The following SAMD4A variants were observed in gnomAD, a reference collection of about 807,000 sequenced individuals.
SAMD4A encodes sterile alpha motif domain containing 4A.
SAMD4A carries 33 observed loss-of-function variants against 81.3 expected under a neutral mutation model. The ratio of observed to expected loss-of-function variants is 0.41; its 90% confidence interval spans 0.31 to 0.54. SAMD4A has a LOEUF of 0.54. Ranked by LOEUF, SAMD4A falls within the 20% of genes least tolerant of loss-of-function variation. The pLI is 0.37. For missense variants in SAMD4A, 854 were observed against 951.1 expected, an observed-to-expected ratio of 0.90 and a Z score of 1.34; for synonymous variants, 389 against 382.1, an observed-to-expected ratio of 1.02 and a Z score of -0.21.
intron 2 of SAMD4A, among the ~76,000 whole-genome samples, chr14:54,644,342 T>G (rs571288544): frequency 1.3e-5 from 2 of 152,338 alleles, no homozygotes; most frequent in Admixed American, 1.3e-4. Context: ...AGAAATTAGG[T>G]TCTAAATTGC....
rs372501241 is a variant in SAMD4A, at chr14:54,635,305, A to G, written c.197-66757A>G. 2.9e-3 allele frequency among the ~76,000 whole-genome samples: 432 copies of G among 148,620 alleles called. 5 individuals carry two copies. The highest frequency in any genetic ancestry group is 0.01 in the African/African-American group (402 of 38,288). ...CTGGGCATGGTGGCAGGCACCTGTA[A>G]TCTCAGCTACTCAGGAGGCTGAGGC... is the stretch of plus-strand genomic sequence containing the variant. On this transcript the variant is annotated intron_variant, in intron 2 of 12. Coordinates refer to ENST00000554335, the MANE Select transcript of SAMD4A (RefSeq NM_015589.6).
intron 12 of SAMD4A, among the ~76,000 whole-genome samples, chr14:54,786,043 G>C (rs2039131970): frequency 6.6e-6 from 1 of 152,236 alleles, no homozygotes. Flanking sequence ...ACCTCATAGA[G>C]GAGACTGGGT....
chr14:54,594,229 A>T (rs1047306833), intron 2 of SAMD4A, among the ~76,000 whole-genome samples: 1 of 152,120 alleles, frequency 6.6e-6, no homozygotes, highest in Non-Finnish European at 1.5e-5. Flanking sequence ...TCTGCCTATT[A>T]AGTGTATATT....
intron 2 of SAMD4A, among the ~76,000 whole-genome samples, chr14:54,660,438 T>A (rs2035615198): frequency 6.6e-6 from 1 of 152,140 alleles, no homozygotes. Context: ...GTCACTTCAG[T>A]GTGCAAAGAG....
chr14:54,734,244 C>T (rs192216268), intron 3 of SAMD4A, among the ~76,000 whole-genome samples: 27 of 152,318 alleles, frequency 1.8e-4, no homozygotes, highest in Middle Eastern at 3.4e-3. Flanking sequence ...TTACCTAGCA[C>T]GACTTTTGAT....
Position 54,789,046 on chromosome 14 carries a change from A to C in SAMD4A, c.*102A>C. The C allele has an allele frequency of 7.3e-7, 1 of 1,367,116 alleles. No individual in the cohort carries two copies. Among genetic ancestry groups the C allele is most frequent in the South Asian group, 1.2e-5 (1 of 85,878 alleles). The allele number at this position is 1,367,116 out of a possible 1,614,324, so 84.7% of individuals were successfully genotyped here. A position where few individuals can be genotyped will look rare whatever the true frequency, so the allele number is the denominator to read the frequency against. On this transcript the variant is annotated 3_prime_UTR_variant, in exon 13 of 13. Transcript: ENST00000554335. The stretch of plus-strand genomic sequence containing the variant: ...CACAGAATCCTCCAAGATACTTTGC[A>C]GCCTTTTTTCCCCCTGGTCCCTCTC...
chr14:54,730,201 G>A (rs1238583642), intron 3 of SAMD4A, among the ~76,000 whole-genome samples: 1 of 152,162 alleles, frequency 6.6e-6, no homozygotes, highest in Non-Finnish European at 1.5e-5. Context: ...AAGGACTCAC[G>A]GTACTAGGAA....
intron 2 of SAMD4A, chr14:54,685,661 C>T (rs2036248807): frequency 2.2e-6 from 1 of 455,032 alleles, no homozygotes; most frequent in Admixed American, 2.4e-5. Context: ...CTGATTGTGG[C>T]TTTAGTAACC....
chr14:54,745,103 T>C (rs1033052669), intron 4 of SAMD4A, among the ~76,000 whole-genome samples: 75 of 152,178 alleles, frequency 4.9e-4, no homozygotes, highest in African/African-American at 1.8e-3. Context: ...ATCAGGATCT[T>C]CCTTAAGTTC....
At chr14:54,781,580 A>G (rs778003844) in intron 11 of SAMD4A, among the ~76,000 whole-genome samples, 8 of 152,376 alleles carry the variant, frequency 5.3e-5, no homozygotes, top group Middle Eastern at 3.4e-3. Context: ...CCTTTGGGAA[A>G]GAGCAGAGGA....
intron 12 of SAMD4A, among the ~76,000 whole-genome samples, chr14:54,785,261 C>T (rs553334508): frequency 6.6e-5 from 10 of 152,336 alleles, no homozygotes; most frequent in East Asian, 1.9e-4. Flanking sequence ...CTGTGCAGGG[C>T]TGTGGCCCCA....
At chr14:54,623,453 C>T (rs2034665437) in intron 2 of SAMD4A, among the ~76,000 whole-genome samples, 1 of 121,054 alleles carries the variant, frequency 8.3e-6, no homozygotes, top group Non-Finnish European at 1.6e-5. Context: ...CTGTGATGAC[C>T]CCTCTGTTAA....
upstream of SAMD4A, among the ~76,000 whole-genome samples, chr14:54,566,832 T>TGCGGC (rs941327415): frequency 1.1e-4 from 16 of 151,958 alleles, no homozygotes; most frequent in African/African-American, 3.4e-4. Flanking sequence ...GGTGGGCTGG[T>TGCGGC]GCGGCGCGGC....
chr14:54,566,458 G>A (rs2032936744), upstream of SAMD4A, among the ~76,000 whole-genome samples: 4 of 151,852 alleles, frequency 2.6e-5, no homozygotes, highest in South Asian at 8.3e-4. Flanking sequence ...AGGCTGAGTC[G>A]CTGGGTTCTC....
intron 2 of SAMD4A, among the ~76,000 whole-genome samples, chr14:54,670,898 G>C (rs1566576296): frequency 6.6e-6 from 1 of 152,308 alleles, no homozygotes; most frequent in East Asian, 1.9e-4. Flanking sequence ...GCCACATAGA[G>C]ATGAACACAA....
chr14:54,630,512 C>A (rs1420877169), intron 2 of SAMD4A, among the ~76,000 whole-genome samples: 1 of 152,176 alleles, frequency 6.6e-6, no homozygotes, highest in Admixed American at 6.5e-5. Flanking sequence ...GGTCCTTTCC[C>A]AATTTTTAAA....
At chr14:54,708,819 C>A (rs1384139965) in intron 3 of SAMD4A, among the ~76,000 whole-genome samples, 1 of 152,066 alleles carries the variant, frequency 6.6e-6, no homozygotes, top group Non-Finnish European at 1.5e-5. Flanking sequence ...AAACTGAGAG[C>A]ACTTAGCACA....
intron 8 of SAMD4A, among the ~76,000 whole-genome samples, chr14:54,766,979 TCTC>T (rs535538985): frequency 4.1e-4 from 62 of 152,236 alleles, no homozygotes; most frequent in Non-Finnish European, 6.5e-4. Context: ...CCCCAGGTGA[TCTC>T]CTCTGGTTGC....
chr14:54,654,210 A>C (rs1209512585), intron 2 of SAMD4A, among the ~76,000 whole-genome samples: 1 of 152,166 alleles, frequency 6.6e-6, no homozygotes, highest in Non-Finnish European at 1.5e-5. Flanking sequence ...TCTCCCTTTT[A>C]ATCAGGAAAC....
Sources: gnomAD v4.1 joint callset for allele counts (sites outside exome capture counted in the v4.1 genomes callset) on GRCh38, gnomAD v4.1.1 for gene constraint, MANE v1.5 for transcripts, NCBI Gene and HGNC (gene_info 2026-07-23, HGNC 2026-07-21) for gene names.